Variants in RC3H2 observed in about 807,000 individuals in gnomAD.
RC3H2 encodes roquin-2.
In RC3H2, 31 loss-of-function variants were observed where a neutral mutation model predicts 133.3. The observed-to-expected ratio is 0.23, with a 90% CI of 0.17 to 0.31. RC3H2 has a LOEUF of 0.31. RC3H2 is among the 10% of genes least tolerant of loss of function. The pLI is 1.00. For synonymous variants in RC3H2, 517 were observed against 502.2 expected (o/e 1.03, Z -0.40); for missense variants, 1,175 against 1,437.2 (o/e 0.82, Z 2.95).
intron 18 of RC3H2, among the ~76,000 whole-genome samples, chr9:122,852,634 G>A (rs1171146069): frequency 1.3e-5 from 2 of 150,582 alleles, no homozygotes; most frequent in Non-Finnish European, 3.0e-5. Context: ...GGGAGGTGGA[G>A]GGGTCAGCTC....
At chr9:122,854,126 T>C (rs41277132) in intron 17 of RC3H2, 40 bp from the exon 18 acceptor site, 41,243 of 1,612,004 alleles carry the variant, frequency 0.026, 627 homozygotes, top group Middle Eastern at 0.036. Flanking sequence ...AGCTTCCAAC[T>C]ATAGCTTTCA....
At chr9:122,878,403 T>G (rs1438176030) in intron 8 of RC3H2, among the ~76,000 whole-genome samples, 6 of 151,964 alleles carry the variant, frequency 3.9e-5, no homozygotes, top group Admixed American at 6.6e-5. Context: ...CCCAAGTAGC[T>G]GGGACTACAG....
At chr9:122,889,413 T>G (rs1459196494) in intron 4 of RC3H2, among the ~76,000 whole-genome samples, 1 of 152,170 alleles carries the variant, frequency 6.6e-6, no homozygotes, top group East Asian at 1.9e-4. Context: ...TGCATCTAAT[T>G]TTGCTTTTTC....
chr9:122,867,590 C>T (rs10985802), intron 9 of RC3H2, among the ~76,000 whole-genome samples: 8,746 of 122,490 alleles, frequency 0.071, 510 homozygotes, highest in African/African-American at 0.092. Context: ...GAAGCGTCTG[C>T]CCGGCCGCCA....
intron 13 of RC3H2, among the ~76,000 whole-genome samples, chr9:122,857,176 C>T (rs955262846): frequency 6.6e-6 from 1 of 152,066 alleles, no homozygotes; most frequent in African/African-American, 2.4e-5. Flanking sequence ...ATTATTCTCT[C>T]TATACTTGTA....
At chr9:122,905,039 T>TC in intron 1 of RC3H2, 71 bp downstream of exon 1, 4 of 961,650 alleles carry the variant, frequency 4.2e-6, no homozygotes, top group Non-Finnish European at 4.9e-6. Context: ...GAGACTGGTC[T>TC]CCCGCCCGAC....
chr9:122,878,403 TG>T (rs1394718264), intron 8 of RC3H2, among the ~76,000 whole-genome samples: 1 of 151,964 alleles, frequency 6.6e-6, no homozygotes, highest in Non-Finnish European at 1.5e-5. Flanking sequence ...CCCAAGTAGC[TG>T]GGACTACAGG....
At chr9:122,876,366 G>A (rs764492836) in intron 9 of RC3H2, among the ~76,000 whole-genome samples, 2 of 152,124 alleles carry the variant, frequency 1.3e-5, no homozygotes, top group East Asian at 1.9e-4. Flanking sequence ...GGTGGCTCAC[G>A]TCTGTAATCC....
At chr9:122,897,618 T>G (rs1832479402) in intron 1 of RC3H2, 42 bp from the exon 2 acceptor site, 2 of 1,377,894 alleles carry the variant, frequency 1.5e-6, no homozygotes, top group Admixed American at 2.5e-5. Flanking sequence ...ATATTCATCA[T>G]TCACCTTTGA....
intron 15 of RC3H2, among the ~76,000 whole-genome samples, chr9:122,854,823 G>C (rs540103783): frequency 6.6e-6 from 1 of 152,286 alleles, no homozygotes; most frequent in South Asian, 2.1e-4. Flanking sequence ...CAGTGCTTAG[G>C]ACAGGCACAG....
chr9:122,858,644 A>G (rs752918520), intron 12 of RC3H2, 25 bp downstream of exon 12: 2 of 1,585,996 alleles, frequency 1.3e-6, no homozygotes, highest in Admixed American at 1.7e-5. Context: ...GTTAATGACT[A>G]CATTATAGTA....
rs949695178 is a variant in RC3H2 at position 122,849,496 on chromosome 9, A to G, written c.*131T>C. 1 of 278,856 alleles carries G rather than the reference A, an allele frequency of 3.6e-6. No homozygotes were observed. 17.3% of individuals were successfully genotyped at this position (278,856 alleles called of 1,614,324 possible). A position where few individuals can be genotyped will look rare whatever the true frequency, so the allele number is the denominator to read the frequency against. ...GGGCTTGAAGTATCAAAGAGTCCAC[A>G]GGAAATGGATGCCCCCAGTAATATC... On this transcript the variant is annotated 3_prime_UTR_variant, in exon 21 of 21. Transcript: ENST00000357244.
At chr9:122,902,695 T>C (rs1466621108) in intron 1 of RC3H2, among the ~76,000 whole-genome samples, 2 of 151,860 alleles carry the variant, frequency 1.3e-5, no homozygotes, top group African/African-American at 2.4e-5. Flanking sequence ...CTACTAAAAA[T>C]ACAAAAATTA....
chr9:122,892,390 G>A, intron 3 of RC3H2, among the ~76,000 whole-genome samples: 1 of 151,924 alleles, frequency 6.6e-6, no homozygotes, highest in East Asian at 1.9e-4. Context: ...TCAGATTACA[G>A]GCATGAAGCC....
Position 122,855,779 on chromosome 9 carries a change from C to G in RC3H2, c.2554G>C (p.Asp852His), listed in dbSNP as rs1432601236. The G allele has an allele frequency of 6.2e-7, 1 of 1,613,168 alleles. No homozygotes were observed. The highest frequency in any genetic ancestry group is 8.5e-7 in the Non-Finnish European group (1 of 1,179,492). Residue 852 changes from aspartate to histidine, a missense_variant, in exon 14 of 21, where the codon GAT (aspartate) becomes CAT (histidine). By Grantham distance (81) the Asp-to-His change is moderately conservative. Around this residue, in one of 8 missense-constraint regions of RC3H2, gnomAD observed 138 missense variants for 215.0 expected, o/e 0.64. Coordinates refer to ENST00000357244, the MANE Select transcript of RC3H2 (RefSeq NM_001100588.3). ...GCAATGACATCTTTGGGCTCTGAAT[C>G]AATGGCATTTATACAGGAGCCTATG... ...GTIGSCINAI[D>H]SEPKDVIANS...
intron 1 of RC3H2, among the ~76,000 whole-genome samples, chr9:122,901,913 A>G (rs1832666237): frequency 6.7e-6 from 1 of 148,804 alleles, no homozygotes; most frequent in African/African-American, 2.5e-5. Flanking sequence ...TAGGGCAATA[A>G]TGAGATAACT....
At chr9:122,855,535 C>T in intron 14 of RC3H2, 138 bp from the exon 15 acceptor site, 1 of 945,006 alleles carries the variant, frequency 1.1e-6, no homozygotes, top group South Asian at 1.8e-5. Context: ...ATCCAACAAA[C>T]TACCAGTAAA....
intron 2 of RC3H2, among the ~76,000 whole-genome samples, chr9:122,895,498 T>C (rs1199033879): frequency 1.3e-5 from 2 of 152,166 alleles, no homozygotes; most frequent in Admixed American, 1.3e-4. Flanking sequence ...AAGTCTATGA[T>C]ATTTTATCAA....
Position 122,858,821 on chromosome 9 carries a change from T to C in RC3H2, c.2131A>G (p.Ile711Val), listed in dbSNP as rs747668785. ...GGAGGTAAAGAATTGCTTCTAATAATGTCATCTCGTTGGTACATAGGTGGG... is the reference window on the plus strand; with the variant it reads ...GGAGGTAAAGAATTGCTTCTAATAACGTCATCTCGTTGGTACATAGGTGGG... ...WRPPMYQRDD[I>V]IRSNSLPPMD... is the part of the protein sequence containing the mutation. The change falls in exon 12 of 21, where the codon ATT (isoleucine) becomes GTT (valine). Residue 711 changes from isoleucine to valine, a missense_variant. This residue lies in a region of RC3H2 where 490 missense variants were observed against 492.8 expected (regional missense o/e 0.99). Transcript: ENST00000357244. 6.2e-7 allele frequency: 1 copy of C among 1,614,298 alleles called. No individual in the cohort carries two copies. Among genetic ancestry groups the C allele is most frequent in the African/African-American group, 1.3e-5 (1 of 75,080 alleles).
Sources: gnomAD v4.1 joint callset for allele counts (sites outside exome capture counted in the v4.1 genomes callset) on GRCh38, gnomAD v4.1.1 for gene constraint, gnomAD v4.1.1 regional missense constraint, MANE v1.5 for transcripts, NCBI Gene and HGNC (gene_info 2026-07-23, HGNC 2026-07-21) for gene names.